PHIP: variants seen among roughly 807,000 people sequenced by gnomAD.
PHIP encodes PHIP subunit of CUL4-Ring ligase complex.
Under a neutral mutation model 236.8 loss-of-function variants are expected in PHIP, and 54 were observed. That is an observed-to-expected ratio of 0.23 (90% CI 0.18 to 0.29). The LOEUF is 0.29. Among genes scored for constraint, PHIP ranks in the 10% least tolerant of loss-of-function variants. PHIP has a pLI of 1.00. For missense variants in PHIP, 1,370 were observed against 2,190.8 expected (o/e 0.63, Z 7.48); for synonymous variants, 756 against 718.9 (o/e 1.05, Z -0.83).
chr6:79,036,081 T>A (rs1771917050), intron 7 of PHIP, among the ~76,000 whole-genome samples: 1 of 152,222 alleles, frequency 6.6e-6, no homozygotes, highest in Admixed American at 6.5e-5. Flanking sequence ...ATCTCCTATT[T>A]ACTGGGTAGG....
intron 19 of PHIP, among the ~76,000 whole-genome samples, chr6:78,992,055 G>C (rs530636238): frequency 6.7e-6 from 1 of 148,670 alleles, no homozygotes; most frequent in Non-Finnish European, 1.5e-5. Context: ...TCTGCCCCCC[G>C]GGGTTCACAC....
At chr6:78,996,157 T>C (rs891837269) in intron 19 of PHIP, among the ~76,000 whole-genome samples, 2 of 152,296 alleles carry the variant, frequency 1.3e-5, no homozygotes, top group East Asian at 1.9e-4. Flanking sequence ...TCAACTGATA[T>C]GCTCTGGAAG....
chr6:78,968,216 G>A (rs539750830), intron 27 of PHIP, among the ~76,000 whole-genome samples: 6 of 152,268 alleles, frequency 3.9e-5, no homozygotes, highest in African/African-American at 1.2e-4. Flanking sequence ...AAGGCTGATA[G>A]CCAAAACCAA....
intron 24 of PHIP, among the ~76,000 whole-genome samples, chr6:78,974,557 A>G (rs1416889158): frequency 6.6e-6 from 1 of 152,138 alleles, no homozygotes; most frequent in African/African-American, 2.4e-5. Flanking sequence ...AGAGACACAA[A>G]AAACCCTTCA....
chr6:79,067,701 C>G (rs1773692232), intron 4 of PHIP: 1 of 152,776 alleles, frequency 6.5e-6, no homozygotes, highest in African/African-American at 2.4e-5. Context: ...AAGAATGATT[C>G]ATGGTTCTAG....
At chr6:78,989,591 A>T (rs1221581171) in intron 20 of PHIP, among the ~76,000 whole-genome samples, 2 of 152,222 alleles carry the variant, frequency 1.3e-5, no homozygotes, top group Non-Finnish European at 2.9e-5. Flanking sequence ...TGGTTATTCC[A>T]GTTTTTGCGA....
intron 24 of PHIP, among the ~76,000 whole-genome samples, chr6:78,971,652 C>T (rs9448601): frequency 0.34 from 51,092 of 151,768 alleles, 8,755 homozygotes; most frequent in Non-Finnish European, 0.35. Flanking sequence ...AGACAGTGGG[C>T]GCAGGTCAGT....
chr6:78,968,433 TA>T (rs1383456795), intron 27 of PHIP, among the ~76,000 whole-genome samples: 1 of 152,150 alleles, frequency 6.6e-6, no homozygotes, highest in Non-Finnish European at 1.5e-5. Flanking sequence ...AGATTGAAAA[TA>T]CAGTATTAGT....
chr6:78,970,941 T>C, intron 24 of PHIP, 53 bp from the exon 25 acceptor site: 2 of 1,180,690 alleles, frequency 1.7e-6, no homozygotes, highest in East Asian at 2.4e-5. Flanking sequence ...TTTAATCCAA[T>C]ATACAGGGTA....
intron 19 of PHIP, among the ~76,000 whole-genome samples, chr6:78,992,374 C>T (rs542574133): frequency 6.6e-6 from 1 of 152,232 alleles, no homozygotes; most frequent in African/African-American, 2.4e-5. Flanking sequence ...TTTATACAAT[C>T]CACTGATCTT....
At chr6:79,033,007 G>C (rs547802417) in intron 7 of PHIP, among the ~76,000 whole-genome samples, 1 of 152,068 alleles carries the variant, frequency 6.6e-6, no homozygotes, top group East Asian at 1.9e-4. Flanking sequence ...ATTTCCATCA[G>C]GGTTCCTGGG....
chr6:78,996,630 G>A (rs1433872869), intron 19 of PHIP, among the ~76,000 whole-genome samples: 1 of 152,176 alleles, frequency 6.6e-6, no homozygotes. Context: ...TACCTTTGGT[G>A]TGTATTTAAT....
At chr6:79,019,238 T>A (rs1770988634) in intron 9 of PHIP, 79 bp from the exon 10 acceptor site, 1 of 1,045,384 alleles carries the variant, frequency 9.6e-7, no homozygotes, top group Non-Finnish European at 1.5e-6. Context: ...CAAAAAATAA[T>A]CCCAGAAGGA....
At position 79,000,382 on chromosome 6, in the gene PHIP, G is replaced by A. The variant is rs144045373; in HGVS notation, c.1879+1517C>T. ...GAATAATGGACTGAGAATCAGAGCT[G>A]AGGTTAGAGTCCCTGTGATTCTATG... is the stretch of plus-strand genomic sequence containing the variant. On this transcript the variant is annotated intron_variant, in intron 17 of 39. Coordinates refer to ENST00000275034, the MANE Select transcript of PHIP (RefSeq NM_017934.7). Among the ~76,000 whole-genome samples, 95 of 152,140 alleles carry A rather than the reference G, an allele frequency of 6.2e-4. 1 individual carries two copies. In the South Asian group the frequency reaches 7.9e-3, roughly 13 times the overall value.
chr6:79,036,147 A>G (rs550920430), intron 7 of PHIP, among the ~76,000 whole-genome samples: 2 of 152,328 alleles, frequency 1.3e-5, no homozygotes, highest in South Asian at 4.1e-4. Flanking sequence ...TTCTATTGCC[A>G]AGCTTTATCA....
chr6:78,939,348 T>C lies in PHIP; in HGVS notation c.*1345A>G, dbSNP rs758095000. 2 of 151,718 alleles carry C rather than the reference T, an allele frequency of 1.3e-5. No homozygotes were observed. Among genetic ancestry groups the C allele is most frequent in the Non-Finnish European group, 3.0e-5 (2 of 67,688 alleles). The allele number at this position is 151,718 out of a possible 1,614,324, so 9.4% of individuals were successfully genotyped here. The stretch of plus-strand genomic sequence containing the variant: ...TAGGGTGTATATTGACATACCAGCA[T>C]GATAAGGATACCGTAAAAAGTGCAG... On this transcript the variant is annotated 3_prime_UTR_variant, in exon 40 of 40. Coordinates refer to ENST00000275034, the MANE Select transcript of PHIP (RefSeq NM_017934.7).
At position 79,017,473 on chromosome 6, in the gene PHIP, C is replaced by G; in HGVS notation, c.1095+10G>C. ...ATTATACTCATCTAATTCTTTTCAC[C>G]AATACTTACAGTATGAAACTCCAAT... On this transcript the variant is annotated intron_variant, in intron 11 of 39. Transcript: ENST00000275034. 3 of 1,593,810 alleles carry G rather than the reference C, an allele frequency of 1.9e-6. No individual in the cohort carries two copies. Among genetic ancestry groups the G allele is most frequent in the Non-Finnish European group, 2.6e-6 (3 of 1,162,350 alleles).
chr6:79,042,089 C>T (rs551255558), intron 7 of PHIP, among the ~76,000 whole-genome samples: 1 of 152,118 alleles, frequency 6.6e-6, no homozygotes, highest in African/African-American at 2.4e-5. Context: ...TGAATGCATA[C>T]CTTCAGCCCA....
At chr6:79,060,271 A>G (rs1773308555) in intron 6 of PHIP, among the ~76,000 whole-genome samples, 1 of 152,196 alleles carries the variant, frequency 6.6e-6, no homozygotes, top group Non-Finnish European at 1.5e-5. Flanking sequence ...ATTGGCCTAC[A>G]TAAGGTGCAA....
Sources: allele counts gnomAD v4.1 joint callset (sites outside exome capture counted in the v4.1 genomes callset), GRCh38; gene constraint gnomAD v4.1.1; transcripts MANE v1.5; gene names NCBI Gene and HGNC (gene_info 2026-07-23, HGNC 2026-07-21).